AGBL1: variants seen among roughly 807,000 people sequenced by gnomAD.
AGBL1 encodes cytosolic carboxypeptidase 4.
AGBL1 carries 130 observed loss-of-function variants against 118.9 expected under a neutral mutation model. The ratio of observed to expected loss-of-function variants is 1.09; its 90% CI spans 0.95 to 1.26. The LOEUF is 1.26. AGBL1 is among the 50% of genes most tolerant of loss of function. AGBL1 has a pLI of 0.00. For missense variants in AGBL1, 1,584 were observed against 1,298.1 expected (o/e 1.22, Z -3.38); for synonymous variants, 555 against 478.9 (o/e 1.16, Z -2.08).
chr15:86,164,408 GCAGA>G (rs1224938366), intron 5 of AGBL1, among the ~76,000 whole-genome samples: 1 of 152,102 alleles, frequency 6.6e-6, no homozygotes, highest in Non-Finnish European at 1.5e-5. Flanking sequence ...ATTTATTGAG[GCAGA>G]CAGATTACTT....
At chr15:86,590,009 A>T (rs540081400) in intron 21 of AGBL1, among the ~76,000 whole-genome samples, 15 of 152,274 alleles carry the variant, frequency 9.9e-5, no homozygotes, top group African/African-American at 3.4e-4. Context: ...TGAACAATTA[A>T]CTCACAAAAG....
intron 18 of AGBL1, among the ~76,000 whole-genome samples, chr15:86,512,758 G>A (rs1190952680): frequency 1.3e-5 from 2 of 151,610 alleles, no homozygotes; most frequent in Non-Finnish European, 3.0e-5. Flanking sequence ...TTAAAACAAA[G>A]TTTTTAATTT....
chr15:86,921,924 C>T (rs954199032), intron 23 of AGBL1, among the ~76,000 whole-genome samples: 8 of 152,138 alleles, frequency 5.3e-5, no homozygotes, highest in African/African-American at 1.7e-4. Context: ...GTGAGGTCTT[C>T]ATGAAACAGA....
intron 18 of AGBL1, among the ~76,000 whole-genome samples, chr15:86,465,772 A>G (rs1482696663): frequency 6.6e-6 from 1 of 152,130 alleles, no homozygotes; most frequent in African/African-American, 2.4e-5. Flanking sequence ...GTTTCCTGTT[A>G]AGATGTTTAT....
intron 17 of AGBL1, among the ~76,000 whole-genome samples, chr15:86,364,958 C>CATATATATATATAT (rs72116454): frequency 2.5e-4 from 19 of 76,154 alleles, no homozygotes; most frequent in African/African-American, 6.1e-4. Context: ...ATATGTCACA[C>CATATATATATATAT]ATATATATAT....
At chr15:86,170,776 A>G (rs943024233) in intron 5 of AGBL1, among the ~76,000 whole-genome samples, 3 of 151,580 alleles carry the variant, frequency 2.0e-5, no homozygotes, top group Non-Finnish European at 4.4e-5. Context: ...AACCAGGTGG[A>G]TGAATGTTGC....
chr15:86,503,507 T>C (rs1374317358), intron 18 of AGBL1, among the ~76,000 whole-genome samples: 1 of 151,212 alleles, frequency 6.6e-6, no homozygotes, highest in African/African-American at 2.4e-5. Flanking sequence ...TTTTTTAATA[T>C]AAAAGGCTAG....
intron 22 of AGBL1, among the ~76,000 whole-genome samples, chr15:86,756,080 A>T (rs2077934818): frequency 6.6e-6 from 1 of 152,110 alleles, no homozygotes; most frequent in Admixed American, 6.6e-5. Flanking sequence ...GGGCATGCAG[A>T]AATATAGTAG....
chr15:86,387,184 G>T (rs1478097894), intron 17 of AGBL1, among the ~76,000 whole-genome samples: 1 of 152,078 alleles, frequency 6.6e-6, no homozygotes, highest in Non-Finnish European at 1.5e-5. Flanking sequence ...CTTTCGCCTG[G>T]GGCATCAAGA....
At chr15:86,774,377 T>G (rs1036915513) in intron 22 of AGBL1, among the ~76,000 whole-genome samples, 1 of 152,160 alleles carries the variant, frequency 6.6e-6, no homozygotes, top group African/African-American at 2.4e-5. Flanking sequence ...GCAAGATGGT[T>G]GGGACATAGA....
chr15:86,439,909 C>T (rs1290132125), intron 18 of AGBL1, among the ~76,000 whole-genome samples: 1 of 152,100 alleles, frequency 6.6e-6, no homozygotes, highest in African/African-American at 2.4e-5. Context: ...AGCACACGGC[C>T]CCAGTGAGAA....
At chr15:86,887,921 C>T (rs919938065) in intron 22 of AGBL1, among the ~76,000 whole-genome samples, 26 of 151,874 alleles carry the variant, frequency 1.7e-4, no homozygotes, top group Non-Finnish European at 3.7e-4. Flanking sequence ...GTGTATAAGC[C>T]CCAGGAAGCT....
At chr15:86,253,378 G>C (rs889796782) in intron 7 of AGBL1, among the ~76,000 whole-genome samples, 3 of 151,990 alleles carry the variant, frequency 2.0e-5, no homozygotes, top group Non-Finnish European at 4.4e-5. Context: ...AGCCTCCCGA[G>C]TAGCTGGAAT....
At chr15:86,390,756 G>A (rs1002959015) in intron 17 of AGBL1, among the ~76,000 whole-genome samples, 44 of 130,536 alleles carry the variant, frequency 3.4e-4, no homozygotes, top group Admixed American at 2.4e-3. Context: ...TGCAAACTCC[G>A]CCTATTGAGT....
chr15:86,246,053 T>G (rs2078715266), intron 6 of AGBL1, among the ~76,000 whole-genome samples: 1 of 152,192 alleles, frequency 6.6e-6, no homozygotes, highest in African/African-American at 2.4e-5. Flanking sequence ...ATTTGGCTTA[T>G]TTTTATTTTT....
intron 17 of AGBL1, among the ~76,000 whole-genome samples, chr15:86,376,267 T>C (rs924609504): frequency 6.6e-6 from 1 of 152,218 alleles, no homozygotes; most frequent in Non-Finnish European, 1.5e-5. Context: ...AATTTCAAAG[T>C]CTGAACAGTT....
At chr15:86,159,149 G>A (rs865954675) in intron 5 of AGBL1, 123 bp downstream of exon 5, 26 of 867,212 alleles carry the variant, frequency 3.0e-5, no homozygotes, top group Middle Eastern at 4.5e-4. Flanking sequence ...TTGGAAATAT[G>A]GTACCATGTC....
At chr15:86,803,935 T>C (rs28478198) in intron 22 of AGBL1, among the ~76,000 whole-genome samples, 20,523 of 152,144 alleles carry the variant, frequency 0.13, 1,466 homozygotes, top group African/African-American at 0.18. Flanking sequence ...TGGCTCATTG[T>C]ATCAGTAGTG....
intron 22 of AGBL1, among the ~76,000 whole-genome samples, chr15:86,695,128 TC>T (rs1385695737): frequency 6.6e-6 from 1 of 151,988 alleles, no homozygotes; most frequent in Non-Finnish European, 1.5e-5. Context: ...AGGGAGGATT[TC>T]CTCTTTCTCT....
Sources: gnomAD v4.1 joint callset for allele counts (sites outside exome capture counted in the v4.1 genomes callset) on GRCh38, gnomAD v4.1.1 for gene constraint, MANE v1.5 for transcripts, NCBI Gene and HGNC (gene_info 2026-07-23, HGNC 2026-07-21) for gene names.